The following TTYH2 variants were observed in gnomAD, a reference collection of about 807,000 sequenced individuals.
TTYH2 encodes the protein tweety family member 2, also known as protein tweety homolog 2.
TTYH2 carries 49 observed loss-of-function variants against 68.3 expected under a neutral mutation model. That is an observed-to-expected ratio of 0.72 (90% confidence interval 0.57 to 0.91). The LOEUF is 0.91. TTYH2 is among the 40% of genes least tolerant of loss of function. The pLI is 0.00. For synonymous variants in TTYH2, 272 were observed against 300.8 expected (o/e 0.90, Z 0.99); for missense variants, 631 against 700.4 (o/e 0.90, Z 1.12).
chr17:74,232,585 C>A lies in TTYH2; in HGVS notation c.414+1586C>A, dbSNP rs1008249591. ...GAGAACTCTCCCTCTGGGCACCCAC[C>A]CTTGCCCCAGGCCCTGGTGGGGAAG... On this transcript the variant is annotated intron_variant, in intron 3 of 13. Transcript: ENST00000269346. This position sits in a 1 kb window ranked among gnomAD's most constrained non-coding sequence, Gnocchi z 5.1. Among the ~76,000 whole-genome samples, 8 of 152,154 alleles carry A rather than the reference C, an allele frequency of 5.3e-5. No individual in the cohort carries two copies. The highest frequency in any genetic ancestry group is 1.9e-4 in the African/African-American group (8 of 41,422).
chr17:74,230,326 C>T (rs2050375261), intron 2 of TTYH2, among the ~76,000 whole-genome samples: 1 of 151,814 alleles, frequency 6.6e-6, no homozygotes, highest in African/African-American at 2.4e-5. Context: ...AACTCCTGGG[C>T]TCAAGCGACC....
chr17:74,253,035 C>T (rs2050651785), intron 11 of TTYH2, 46 bp from the exon 12 acceptor site: 1 of 1,597,860 alleles, frequency 6.3e-7, no homozygotes, highest in African/African-American at 1.4e-5. Context: ...TGCCTCGGAG[C>T]CTCCTTCACC....
At chr17:74,216,972 GA>G (rs2050227105) in intron 1 of TTYH2, among the ~76,000 whole-genome samples, 1 of 152,376 alleles carries the variant, frequency 6.6e-6, no homozygotes, top group East Asian at 1.9e-4. Flanking sequence ...GGAAGGAGAA[GA>G]CTGCAGCCAG....
At chr17:74,254,303 G>A (rs1372952950) in intron 13 of TTYH2, among the ~76,000 whole-genome samples, 2 of 152,128 alleles carry the variant, frequency 1.3e-5, no homozygotes, top group Non-Finnish European at 2.9e-5. Flanking sequence ...AAGTAGGTGG[G>A]ACTACAGGTG....
At position 74,222,161 on chromosome 17, in the gene TTYH2, G is replaced by A. The variant is rs113981963; in HGVS notation, c.130-324G>A. Among the ~76,000 whole-genome samples the A allele has an allele frequency of 8.9e-4, 135 of 152,142 alleles. No homozygotes were observed. The highest frequency in any genetic ancestry group is 8.5e-4 in the Admixed American group (13 of 15,282). On this transcript the variant is annotated intron_variant, in intron 1 of 13. Transcript: ENST00000269346. This position sits in a 1 kb window ranked among gnomAD's most constrained non-coding sequence, Gnocchi z 5.2. ...TCCTGCCTTGTCTCCTGAGTGGCTC[G>A]GACTCTTCATCAGCAGGGCCTGGTC...
chr17:74,252,449 C>T (rs1598233030), intron 11 of TTYH2, 73 bp downstream of exon 11: 1 of 1,543,390 alleles, frequency 6.5e-7, no homozygotes, highest in East Asian at 2.3e-5. Flanking sequence ...GGGGCCTCTG[C>T]TCTACGATTT....
chr17:74,222,794 T>C lies in TTYH2; in HGVS notation c.302+137T>C. ...CCCCAGATGAATGTTGTCCCTTTTT[T>C]TTTTTTTACCAAGCATCAGGAATCA... is the stretch of plus-strand genomic sequence containing the variant. On this transcript the variant is annotated intron_variant, in intron 2 of 13. Transcript: ENST00000269346. The surrounding 1 kb of genome is among the most constrained non-coding windows in gnomAD (Gnocchi z 5.2). 7.8e-6 allele frequency: 9 copies of C among 1,155,128 alleles called. No homozygotes were observed. The South Asian group carries it at 1.2e-4, about 16-fold the overall frequency. 71.6% of individuals were successfully genotyped at this position (1,155,128 alleles called of 1,614,324 possible). A position where few individuals can be genotyped will look rare whatever the true frequency, so the allele number is the denominator to read the frequency against.
intron 6 of TTYH2, among the ~76,000 whole-genome samples, chr17:74,246,939 T>C (rs939654242): frequency 6.6e-6 from 1 of 151,866 alleles, no homozygotes; most frequent in Non-Finnish European, 1.5e-5. Context: ...TCCCAGCACT[T>C]TGGGAGGCTG....
At chr17:74,235,935 G>C (rs1192048998) in intron 3 of TTYH2, among the ~76,000 whole-genome samples, 1 of 151,856 alleles carries the variant, frequency 6.6e-6, no homozygotes, top group Non-Finnish European at 1.5e-5. Context: ...GAAAGAAATG[G>C]ATGAACGGGC....
intron 6 of TTYH2, among the ~76,000 whole-genome samples, chr17:74,245,204 T>C (rs539462471): frequency 6.6e-6 from 1 of 152,250 alleles, no homozygotes; most frequent in African/African-American, 2.4e-5. Context: ...GAGGGGGCAT[T>C]TTCTGTCTTT....
chr17:74,241,846 A>G lies in TTYH2; in HGVS notation c.636-1528A>G, dbSNP rs7225116. On this transcript the variant is annotated intron_variant, in intron 4 of 13. Coordinates refer to ENST00000269346, the MANE Select transcript of TTYH2 (RefSeq NM_032646.6). This position sits in a 1 kb window ranked among gnomAD's most constrained non-coding sequence, Gnocchi z 4.1. ...TGGTGCCCAGCACAGGGTAAAGGGC[A>G]TGGCTGCCAGGGGAGACCACTGGGC... 2.0e-3 allele frequency among the ~76,000 whole-genome samples: 299 copies of G among 152,254 alleles called. 4 individuals carry two copies. Among genetic ancestry groups the G allele is most frequent in the African/African-American group, 6.9e-3 (286 of 41,560 alleles).
In TTYH2 at chr17:74,214,880, C is replaced by T. The variant is rs947857352; in HGVS notation, c.129+1164C>T. ...GAATCCTGATCCAGTGTGAGGTGCCCAAGCGCCAGTGACAGGGAGTCTAAT... is the reference window on the plus strand; with the variant it reads ...GAATCCTGATCCAGTGTGAGGTGCCTAAGCGCCAGTGACAGGGAGTCTAAT... On this transcript the variant is annotated intron_variant, in intron 1 of 13. Coordinates refer to ENST00000269346, the MANE Select transcript of TTYH2 (RefSeq NM_032646.6). The surrounding 1 kb of genome is among the most constrained non-coding windows in gnomAD (Gnocchi z 4.6). Among the ~76,000 whole-genome samples the T allele has an allele frequency of 6.6e-6, 1 of 152,140 alleles. No homozygotes were observed. Among genetic ancestry groups the T allele is most frequent in the Admixed American group, 6.5e-5 (1 of 15,280 alleles).
chr17:74,261,252 T>G lies in TTYH2; in HGVS notation c.*1043T>G, dbSNP rs540949321. 7.9e-5 allele frequency: 12 copies of G among 152,304 alleles called. No homozygotes were observed. Among genetic ancestry groups the G allele is most frequent in the African/African-American group, 2.9e-4 (12 of 41,570 alleles). The allele number at this position is 152,304 out of a possible 1,614,324, so 9.4% of individuals were successfully genotyped here. ...CCCAAGCTACTGTTTGGTGGGGATC[T>G]GGGTTCATCTCACCCACAGAGGGAG... On this transcript the variant is annotated 3_prime_UTR_variant, in exon 14 of 14. Transcript: ENST00000269346.
At chr17:74,251,422 T>C (rs781344600) in intron 10 of TTYH2, among the ~76,000 whole-genome samples, 1 of 152,012 alleles carries the variant, frequency 6.6e-6, no homozygotes, top group Admixed American at 6.6e-5. Flanking sequence ...AGTGGCTTAC[T>C]GAAGAGTCCC....
Position 74,253,806 on chromosome 17 carries a change from A to G in TTYH2, c.1497A>G (p.Leu499=), listed in dbSNP as rs763708718. The G allele has an allele frequency of 4.3e-6, 7 of 1,614,206 alleles. No homozygotes were observed. In the South Asian group the frequency reaches 6.6e-5, roughly 15 times the overall value. The part of the protein sequence containing the change: ...GRNPRYENVP[L]IGRASPPPTY... ...ACCCACGCTACGAGAACGTGCCACTAATCGGGAGAGCCTCCCCTCCGCCTA... is the reference window on the plus strand; with the variant it reads ...ACCCACGCTACGAGAACGTGCCACTGATCGGGAGAGCCTCCCCTCCGCCTA... Residue 499 remains leucine (L), a synonymous_variant, in exon 13 of 14, where the codon CTA becomes CTG. Coordinates refer to ENST00000269346, the MANE Select transcript of TTYH2 (RefSeq NM_032646.6).
At position 74,214,114 on chromosome 17, in the gene TTYH2, G is replaced by T. The variant is rs1347257923; in HGVS notation, c.129+398G>T. Among the ~76,000 whole-genome samples the T allele has an allele frequency of 6.6e-6, 1 of 152,196 alleles. No individual in the cohort carries two copies. The highest frequency in any genetic ancestry group is 1.5e-5 in the Non-Finnish European group (1 of 68,030). ...TGCTGAGGGGTGCCCCGAAGTTTTC[G>T]ACCGTCTGAGATTCCAAGATGGGGC... On this transcript the variant is annotated intron_variant, in intron 1 of 13. Coordinates refer to ENST00000269346, the MANE Select transcript of TTYH2 (RefSeq NM_032646.6). This position sits in a 1 kb window ranked among gnomAD's most constrained non-coding sequence, Gnocchi z 4.6.
chr17:74,234,680 A>G (rs528666095), intron 3 of TTYH2, among the ~76,000 whole-genome samples: 2 of 152,236 alleles, frequency 1.3e-5, no homozygotes, highest in Non-Finnish European at 2.9e-5. Context: ...AGTTTAAGAA[A>G]TAGAGAAGTT....
chr17:74,225,067 A>C (rs1012301001), intron 2 of TTYH2, among the ~76,000 whole-genome samples: 1 of 151,484 alleles, frequency 6.6e-6, no homozygotes, highest in African/African-American at 2.4e-5. Context: ...ATAGAAGTGG[A>C]TGGCCCACCT....
rs201617076 is a variant in TTYH2 at position 74,216,527 on chromosome 17, TCTCA to T, written c.129+2818_129+2821del. 5.2e-3 allele frequency among the ~76,000 whole-genome samples: 790 copies of T among 152,264 alleles called. 5 individuals are homozygous for T. Among genetic ancestry groups the T allele is most frequent in the South Asian group, 0.021 (102 of 4,824 alleles). On this transcript the variant is annotated intron_variant, in intron 1 of 13. Coordinates refer to ENST00000269346, the MANE Select transcript of TTYH2 (RefSeq NM_032646.6). ...AGAACCTTCCTGAGGAAGTAGGGGC[TCTCA>T]CTCACTTTCTGGGGTGTTTGGGAGC...
Sources: gnomAD v4.1 joint callset for allele counts (sites outside exome capture counted in the v4.1 genomes callset) on GRCh38, gnomAD v4.1.1 for gene constraint, Gnocchi (gnomAD v3.1) non-coding constraint, MANE v1.5 for transcripts, NCBI Gene and HGNC (gene_info 2026-07-23, HGNC 2026-07-21) for gene names.